Variants in DCC observed in about 807,000 individuals in gnomAD.
The protein encoded by DCC is netrin receptor DCC.
A neutral mutation model predicts 172.5 loss-of-function variants in DCC; 58 were observed. The observed-to-expected ratio is 0.34, with a 90% CI of 0.27 to 0.42. DCC has a LOEUF of 0.42. Among genes scored for constraint, DCC ranks in the 10% least tolerant of loss-of-function variants. DCC has a pLI of 1.00. For missense variants in DCC, 1,740 were observed against 1,791.0 expected, an observed-to-expected ratio of 0.97 and a Z score of 0.51; for synonymous variants, 709 against 644.5, an observed-to-expected ratio of 1.10 and a Z score of -1.52.
intron 5 of DCC, among the ~76,000 whole-genome samples, chr18:52,962,359 C>T (rs1460259086): frequency 1.3e-5 from 2 of 150,282 alleles, no homozygotes; most frequent in Non-Finnish European, 3.0e-5. Context: ...AAAAAATGCT[C>T]ATCATCACTG....
intron 1 of DCC, among the ~76,000 whole-genome samples, chr18:52,549,085 A>G (rs2032694055): frequency 6.6e-6 from 1 of 152,054 alleles, no homozygotes; most frequent in African/African-American, 2.4e-5. Context: ...ATTTTCTGAT[A>G]TGGGACTCTG....
chr18:52,798,412 C>T (rs2145221637), intron 2 of DCC, among the ~76,000 whole-genome samples: 1 of 152,290 alleles, frequency 6.6e-6, no homozygotes, highest in African/African-American at 2.4e-5. Context: ...CTTTGTTGCT[C>T]AGGCTGCCCT....
intron 1 of DCC, among the ~76,000 whole-genome samples, chr18:52,478,384 G>T (rs1275130560): frequency 2.0e-5 from 3 of 152,090 alleles, no homozygotes; most frequent in Admixed American, 6.6e-5. Context: ...ATGAGTAATT[G>T]TGATTTAAGG....
chr18:53,323,105 A>T (rs1461579421), intron 14 of DCC, among the ~76,000 whole-genome samples: 1 of 152,142 alleles, frequency 6.6e-6, no homozygotes, highest in Admixed American at 6.6e-5. Flanking sequence ...TTCCAGTAAA[A>T]ATTGAGAGTA....
intron 1 of DCC, among the ~76,000 whole-genome samples, chr18:52,639,884 T>C (rs2034856041): frequency 6.6e-6 from 1 of 152,168 alleles, no homozygotes; most frequent in Admixed American, 6.5e-5. Context: ...ATCACCCTAA[T>C]ACCAAAACCA....
intron 1 of DCC, among the ~76,000 whole-genome samples, chr18:52,525,573 C>T (rs2031957751): frequency 6.6e-6 from 1 of 152,168 alleles, no homozygotes; most frequent in South Asian, 2.1e-4. Flanking sequence ...CGCATAAAGC[C>T]TAAATTATTC....
chr18:52,784,646 T>C (rs1194170716), intron 2 of DCC, among the ~76,000 whole-genome samples: 2 of 152,094 alleles, frequency 1.3e-5, no homozygotes, highest in Non-Finnish European at 2.9e-5. Context: ...GTGGTTCTCA[T>C]TGTGATGACT....
At chr18:53,032,026 T>C (rs945235899) in intron 5 of DCC, among the ~76,000 whole-genome samples, 2 of 152,162 alleles carry the variant, frequency 1.3e-5, no homozygotes, top group African/African-American at 4.8e-5. Context: ...GATGGTGTGA[T>C]TTTGTGAAAT....
At chr18:52,497,424 T>C (rs1295528296) in intron 1 of DCC, among the ~76,000 whole-genome samples, 1 of 147,028 alleles carries the variant, frequency 6.8e-6, no homozygotes, top group African/African-American at 2.5e-5. Flanking sequence ...TACACACATA[T>C]ACACATACAT....
At chr18:53,266,163 A>G (rs1214701713) in intron 12 of DCC, among the ~76,000 whole-genome samples, 7 of 152,178 alleles carry the variant, frequency 4.6e-5, no homozygotes, top group Non-Finnish European at 1.0e-4. Flanking sequence ...TTTTGTCAAC[A>G]TCACTACACA....
In DCC at chr18:52,915,673, A is replaced by G. The variant is rs2040029570; in HGVS notation, c.698-8034A>G. On this transcript the variant is annotated intron_variant, in intron 3 of 28. Coordinates refer to ENST00000442544, the MANE Select transcript of DCC (RefSeq NM_005215.4). ...TTTTAACAAATTATTGCTGAAATAT[A>G]GTAATTGAACATATTTAATTTTGCA... is the stretch of plus-strand genomic sequence containing the variant. Among the ~76,000 whole-genome samples, 3 of 152,292 alleles carry G rather than the reference A, an allele frequency of 2.0e-5. No individual in the cohort carries two copies. The South Asian group carries it at 6.2e-4, about 32-fold the overall frequency.
chr18:52,574,588 A>C (rs2033368518), intron 1 of DCC, among the ~76,000 whole-genome samples: 1 of 152,200 alleles, frequency 6.6e-6, no homozygotes, highest in South Asian at 2.1e-4. Flanking sequence ...AAGTGTAAGA[A>C]GAAATTTCAC....
chr18:53,256,939 G>A lies in DCC; in HGVS notation c.1911+41342G>A, dbSNP rs192741227. Among the ~76,000 whole-genome samples, 45 of 152,256 alleles carry A rather than the reference G, an allele frequency of 3.0e-4. No individual in the cohort carries two copies. The East Asian group carries it at 7.1e-3, about 24-fold the overall frequency. ...AAGAGGTCCTTCACATCCCTTGTAA[G>A]TTGTATTCCTAGGTATTTTATTCTC... On this transcript the variant is annotated intron_variant, in intron 12 of 28. Transcript: ENST00000442544.
chr18:53,116,070 C>A (rs1358799663), intron 7 of DCC, among the ~76,000 whole-genome samples: 4 of 151,618 alleles, frequency 2.6e-5, no homozygotes, highest in Non-Finnish European at 4.4e-5. Context: ...CACAATGTTA[C>A]ATTTTGCTGA....
At chr18:53,362,560 C>A (rs896613920) in intron 15 of DCC, among the ~76,000 whole-genome samples, 4 of 152,114 alleles carry the variant, frequency 2.6e-5, no homozygotes, top group African/African-American at 9.7e-5. Context: ...GAAAACAGAT[C>A]TTGTCAGTGT....
At chr18:53,028,373 C>T (rs1420407241) in intron 5 of DCC, among the ~76,000 whole-genome samples, 1 of 151,872 alleles carries the variant, frequency 6.6e-6, no homozygotes, top group Non-Finnish European at 1.5e-5. Context: ...TTAATGAAGC[C>T]CCTGTCCCCC....
At chr18:53,455,579 ATTC>A (rs1297887574) in intron 23 of DCC, among the ~76,000 whole-genome samples, 3 of 152,246 alleles carry the variant, frequency 2.0e-5, no homozygotes, top group African/African-American at 7.2e-5. Context: ...ATGGAAAGTA[ATTC>A]TTATTATTTA....
chr18:52,816,349 CCT>C (rs1435475180), intron 2 of DCC, among the ~76,000 whole-genome samples: 5 of 152,174 alleles, frequency 3.3e-5, no homozygotes, highest in East Asian at 1.9e-4. Flanking sequence ...CGAAAACATT[CCT>C]CTCTCAGCTG....
intron 1 of DCC, among the ~76,000 whole-genome samples, chr18:52,563,898 CCT>C (rs1370363150): frequency 6.6e-6 from 1 of 152,104 alleles, no homozygotes; most frequent in Non-Finnish European, 1.5e-5. Context: ...TGCCAAAATC[CCT>C]GAGTCTCACC....
Sources: allele counts gnomAD v4.1 joint callset (sites outside exome capture counted in the v4.1 genomes callset), GRCh38; gene constraint gnomAD v4.1.1; transcripts MANE v1.5; gene names NCBI Gene and HGNC (gene_info 2026-07-23, HGNC 2026-07-21).